AP3B1: variants seen among roughly 807,000 people sequenced by gnomAD.
The protein encoded by AP3B1 is AP-3 complex subunit beta-1.
Under a neutral mutation model 132.5 loss-of-function variants are expected in AP3B1, and 61 were observed. The observed-to-expected ratio is 0.46, with a 90% CI of 0.37 to 0.57. The LOEUF (loss-of-function observed/expected upper bound fraction) is 0.57, where lower values mean the gene tolerates loss of function less well. Ranked by LOEUF, AP3B1 falls within the 20% of genes least tolerant of loss-of-function variation. The pLI, the probability that AP3B1 is intolerant of heterozygous loss-of-function variation, is 0.00. For missense variants in AP3B1, 1,120 were observed against 1,289.4 expected, an observed-to-expected ratio of 0.87 and a Z score of 2.01; for synonymous variants, 388 against 438.3, an observed-to-expected ratio of 0.89 and a Z score of 1.43.
intron 26 of AP3B1, among the ~76,000 whole-genome samples, chr5:78,012,543 G>A (rs1746663744): frequency 6.6e-6 from 1 of 152,208 alleles, no homozygotes; most frequent in Non-Finnish European, 1.5e-5. Context: ...AGCTATAAAA[G>A]CAAATATGAA....
intron 6 of AP3B1, among the ~76,000 whole-genome samples, chr5:78,218,893 T>C (rs1245865789): frequency 6.6e-6 from 1 of 152,106 alleles, no homozygotes; most frequent in Admixed American, 6.6e-5. Context: ...CCTTCTTATT[T>C]CAATTTTCTT....
At chr5:78,275,494 TG>T (rs948610648) in intron 1 of AP3B1, among the ~76,000 whole-genome samples, 1 of 151,996 alleles carries the variant, frequency 6.6e-6, no homozygotes, top group East Asian at 1.9e-4. Flanking sequence ...TTTTTTTTTT[TG>T]GGGGACAGTC....
intron 1 of AP3B1, among the ~76,000 whole-genome samples, chr5:78,293,261 G>A (rs1363501116): frequency 1.3e-5 from 2 of 152,214 alleles, no homozygotes; most frequent in Admixed American, 6.5e-5. Context: ...ACAGATTGAT[G>A]CCGATATACA....
chr5:78,181,764 T>C, intron 7 of AP3B1, 102 bp from the exon 8 acceptor site: 1 of 988,226 alleles, frequency 1.0e-6, no homozygotes, highest in Non-Finnish European at 1.5e-6. Context: ...TAACAACATT[T>C]TACCGTAGAA....
At chr5:78,157,246 T>C (rs1466552467) in intron 13 of AP3B1, among the ~76,000 whole-genome samples, 1 of 152,020 alleles carries the variant, frequency 6.6e-6, no homozygotes, top group Non-Finnish European at 1.5e-5. Context: ...ATCTGAGGCA[T>C]GGTAAAGGCC....
At chr5:78,141,091 G>A in intron 15 of AP3B1, 52 bp downstream of exon 15, 3 of 1,538,506 alleles carry the variant, frequency 1.9e-6, no homozygotes, top group Non-Finnish European at 2.7e-6. Context: ...TGTTTGATCA[G>A]AGTGAAGAGG....
At chr5:78,173,330 T>C (rs1482655138) in intron 11 of AP3B1, among the ~76,000 whole-genome samples, 3 of 152,138 alleles carry the variant, frequency 2.0e-5, no homozygotes, top group Non-Finnish European at 2.9e-5. Context: ...TTCTGTCTCG[T>C]TGATTTGTCT....
chr5:78,062,262 G>A (rs1749090962), intron 22 of AP3B1, among the ~76,000 whole-genome samples: 1 of 152,100 alleles, frequency 6.6e-6, no homozygotes, highest in African/African-American at 2.4e-5. Flanking sequence ...TCATGTTTTT[G>A]TTTTTGTTAG....
intron 7 of AP3B1, among the ~76,000 whole-genome samples, chr5:78,184,686 C>CAAAAAAAAAAAAAAAAAAAAAAAAAAAAA (rs772722596): frequency 1.8e-5 from 2 of 110,556 alleles, no homozygotes; most frequent in African/African-American, 7.3e-5. Flanking sequence ...GACACTGTCT[C>CAAAAAAAAAAAAAAAAAAAAAAAAAAAAA]AAAAAAAAAA....
chr5:78,166,159 AC>A (rs1743619502), intron 11 of AP3B1, among the ~76,000 whole-genome samples: 2 of 147,722 alleles, frequency 1.4e-5, no homozygotes, highest in Non-Finnish European at 3.0e-5. Context: ...ACACACACAC[AC>A]ACACACACAC....
intron 15 of AP3B1, among the ~76,000 whole-genome samples, chr5:78,139,246 T>C (rs141776463): frequency 1.1e-3 from 174 of 152,286 alleles, no homozygotes; most frequent in African/African-American, 3.8e-3. Flanking sequence ...CAATAATCCA[T>C]AAGCTAGATA....
At chr5:78,069,978 C>T (rs760233076) in intron 22 of AP3B1, among the ~76,000 whole-genome samples, 16 of 152,002 alleles carry the variant, frequency 1.1e-4, no homozygotes, top group Admixed American at 2.0e-4. Flanking sequence ...TTTGACAAAA[C>T]GGACAAAAAC....
rs528981049 is a variant in AP3B1 at position 78,199,539 on chromosome 5, A to G, written c.786+16516T>C. On this transcript the variant is annotated intron_variant, in intron 7 of 26. Transcript: ENST00000255194. ...TAAGTAGAACTAATCATGATTCCTC[A>G]TGTATTCATTCTCTCCATACCTTAA... Among the ~76,000 whole-genome samples the G allele has an allele frequency of 7.9e-5, 12 of 152,316 alleles. 1 individual carries two copies. In the South Asian group the frequency reaches 1.7e-3, roughly 21 times the overall value.
intron 24 of AP3B1, among the ~76,000 whole-genome samples, chr5:78,033,029 A>G (rs1425411592): frequency 6.6e-6 from 1 of 152,150 alleles, no homozygotes; most frequent in Non-Finnish European, 1.5e-5. Flanking sequence ...AAAAAATCCA[A>G]TTACATAGGA....
intron 7 of AP3B1, among the ~76,000 whole-genome samples, chr5:78,193,770 A>ATATTTTT: frequency 2.8e-4 from 19 of 67,218 alleles, no homozygotes; most frequent in African/African-American, 9.9e-4. Context: ...ATATATATAT[A>ATATTTTT]TTTTTTTTTT....
At chr5:78,246,690 A>T (rs1747392615) in intron 2 of AP3B1, among the ~76,000 whole-genome samples, 1 of 152,034 alleles carries the variant, frequency 6.6e-6, no homozygotes, top group African/African-American at 2.4e-5. Flanking sequence ...TGCATTTCTG[A>T]TATTGATAAT....
At chr5:78,028,944 C>G (rs757694842) in intron 24 of AP3B1, among the ~76,000 whole-genome samples, 18 of 152,184 alleles carry the variant, frequency 1.2e-4, no homozygotes, top group Non-Finnish European at 1.9e-4. Flanking sequence ...TTTCTCCTCT[C>G]TAATCTTTCT....
In AP3B1 at chr5:78,156,345, C is replaced by A; in HGVS notation, c.1386G>T (p.Val462=). The A allele has an allele frequency of 6.2e-7, 1 of 1,612,806 alleles. No homozygotes were observed. Among genetic ancestry groups the A allele is most frequent in the South Asian group, 1.1e-5 (1 of 91,056 alleles). ...TTTGCAGTAATTTCTTTATAACAAC[C>A]ACACTTTCAGCAACAACTATTTCTG... ...NRDEIVVAES[V]VVIKKLLQMQ... Residue 462 remains valine (V), a synonymous_variant, in exon 14 of 27, where the codon GTG becomes GTT. Coordinates refer to ENST00000255194, the MANE Select transcript of AP3B1 (RefSeq NM_003664.5).
chr5:78,063,863 T>TA (rs1338079851), intron 22 of AP3B1, among the ~76,000 whole-genome samples: 2 of 152,178 alleles, frequency 1.3e-5, no homozygotes, highest in Admixed American at 6.5e-5. Flanking sequence ...AGTACTGAGC[T>TA]TAATTTTTTT....
Sources: gnomAD v4.1 joint callset for allele counts (sites outside exome capture counted in the v4.1 genomes callset) on GRCh38, gnomAD v4.1.1 for gene constraint, MANE v1.5 for transcripts, NCBI Gene and HGNC (gene_info 2026-07-23, HGNC 2026-07-21) for gene names.